The following MYOM3 variants were observed in gnomAD, a reference collection of about 807,000 sequenced individuals.
The protein encoded by MYOM3 is myomesin-3.
A neutral mutation model predicts 191.7 loss-of-function variants in MYOM3; 155 were observed. The ratio of observed to expected loss-of-function variants is 0.81; its 90% CI spans 0.71 to 0.92. The LOEUF is 0.92. Ranked by LOEUF, MYOM3 falls within the 40% of genes least tolerant of loss-of-function variation. The pLI is 0.00. For synonymous variants in MYOM3, 757 were observed against 762.9 expected, an observed-to-expected ratio of 0.99 and a Z score of 0.13; for missense variants, 1,889 against 1,890.6, an observed-to-expected ratio of 1.00 and a Z score of 0.02.
Position 24,064,292 on chromosome 1 carries a change from C to A in MYOM3, c.3535-133G>T, listed in dbSNP as rs1643409127. ...ACCTCAGGTAAGACCCTTCTCCTCC[C>A]TGGGCCTCCATTTACTCATCTGGGC... On this transcript the variant is annotated intron_variant, in intron 29 of 36. Transcript: ENST00000374434. The A allele has an allele frequency of 4.7e-6, 3 of 634,370 alleles. No individual in the cohort carries two copies. In the Admixed American group the frequency reaches 8.7e-5, roughly 18 times the overall value. 39.3% of individuals were successfully genotyped at this position (634,370 alleles called of 1,614,324 possible). A position where few individuals can be genotyped will look rare whatever the true frequency, so the allele number is the denominator to read the frequency against.
At chr1:24,061,223 C>T in intron 34 of MYOM3, 50 bp downstream of exon 34, 2 of 1,612,222 alleles carry the variant, frequency 1.2e-6, no homozygotes, top group Non-Finnish European at 1.7e-6. Context: ...GTTTATGCCA[C>T]ACCCTGAAGG....
chr1:24,076,589 T>C (rs12122305), intron 20 of MYOM3, among the ~76,000 whole-genome samples: 3 of 69,628 alleles, frequency 4.3e-5, no homozygotes, highest in Non-Finnish European at 6.1e-5. Flanking sequence ...TCTCGGCTCA[T>C]TGCAAGCTCC....
At position 24,071,151 on chromosome 1, in the gene MYOM3, A is replaced by T. The variant is rs745547251; in HGVS notation, c.3116T>A (p.Leu1039Gln). 1 of 1,614,156 alleles carries T rather than the reference A, an allele frequency of 6.2e-7. No individual in the cohort carries two copies. Among genetic ancestry groups the T allele is most frequent in the South Asian group, 1.1e-5 (1 of 91,076 alleles). Residue 1039 changes from leucine (L) to glutamine (Q), a missense_variant, in exon 25 of 37, where the codon CTA becomes CAA. Transcript: ENST00000374434. ...EKLSPAAELH[L>Q]IFNNKEIFSS... Reference sequence around the variant, plus strand: ...GAAGATCTCCTTGTTGTTGAAGATTAGATGTAGCTCAGCGGCTGGAGATAA... The same window carrying T: ...GAAGATCTCCTTGTTGTTGAAGATTTGATGTAGCTCAGCGGCTGGAGATAA...
At position 24,093,262 on chromosome 1, in the gene MYOM3, G is replaced by C. The variant is rs532084731; in HGVS notation, c.929-154C>G. On this transcript the variant is annotated intron_variant, in intron 9 of 36. Transcript: ENST00000374434. ...CTTGGGTGGGGGTGGTGGCCTCCAG[G>C]GCTTTGCCAAGGCAGGCAGTGGAGA... 2.0e-5 allele frequency among the ~76,000 whole-genome samples: 3 copies of C among 152,282 alleles called. No homozygotes were observed. The South Asian group carries it at 6.2e-4, about 32-fold the overall frequency.
At chr1:24,072,783 C>T (rs1354420170) in intron 23 of MYOM3, among the ~76,000 whole-genome samples, 1 of 152,204 alleles carries the variant, frequency 6.6e-6, no homozygotes, top group African/African-American at 2.4e-5. Flanking sequence ...GATCCGCCCG[C>T]CTCAGCCTCC....
chr1:24,078,012 G>A (rs1643622360), intron 20 of MYOM3, among the ~76,000 whole-genome samples: 1 of 152,160 alleles, frequency 6.6e-6, no homozygotes, highest in Non-Finnish European at 1.5e-5. Context: ...CACTTGTTGG[G>A]AAACATTTTA....
At chr1:24,061,836 C>T (rs771071294) in intron 33 of MYOM3, 110 bp downstream of exon 33, 1 of 1,212,876 alleles carries the variant, frequency 8.2e-7, no homozygotes, top group Non-Finnish European at 1.2e-6. Context: ...AAGCGATCCT[C>T]CCACTTCAGC....
rs1047017675 is a variant in MYOM3, at chr1:24,094,027, G to A, written c.928+826C>T. Among the ~76,000 whole-genome samples the A allele has an allele frequency of 2.2e-4, 34 of 152,052 alleles. 1 individual carries two copies. The highest frequency in any genetic ancestry group is 1.0e-4 in the Non-Finnish European group (7 of 68,004). On this transcript the variant is annotated intron_variant, in intron 9 of 36. Transcript: ENST00000374434. The stretch of plus-strand genomic sequence containing the variant: ...CATCCCCAGAGGCCTCCCAGCCCAC[G>A]GGTCAGCAACTGTATCTGCACCACC...
rs756430034 is a variant in MYOM3 at position 24,063,376 on chromosome 1, G to A, written c.3661+116C>T. ...TGTGAAGAGGCGGGATTTTCTCTTCGGTGTTTGAGGTTAGAAACTAAACCC... is the reference window on the plus strand; with the variant it reads ...TGTGAAGAGGCGGGATTTTCTCTTCAGTGTTTGAGGTTAGAAACTAAACCC... On this transcript the variant is annotated intron_variant, in intron 31 of 36. Transcript: ENST00000374434. The surrounding 1 kb of genome is among the most constrained non-coding windows in gnomAD (Gnocchi z 4.5). 1.8e-4 allele frequency: 255 copies of A among 1,418,772 alleles called. 1 individual carries two copies. Among genetic ancestry groups the A allele is most frequent in the African/African-American group, 3.4e-4 (24 of 70,838 alleles). The allele number at this position is 1,418,772 out of a possible 1,614,324, so 87.9% of individuals were successfully genotyped here.
At chr1:24,068,907 A>G (rs1184651954) in intron 25 of MYOM3, among the ~76,000 whole-genome samples, 2 of 152,022 alleles carry the variant, frequency 1.3e-5, no homozygotes, top group East Asian at 3.9e-4. Context: ...TATTTTTAGT[A>G]GAGACTGGGT....
intron 12 of MYOM3, among the ~76,000 whole-genome samples, 164 bp downstream of exon 12, chr1:24,090,633 G>C (rs1379451325): frequency 6.6e-6 from 1 of 152,134 alleles, no homozygotes; most frequent in Non-Finnish European, 1.5e-5. Context: ...GTTCTCGAGG[G>C]CTGGCCTTTG....
At position 24,080,202 on chromosome 1, in the gene MYOM3, A is replaced by C. The variant is rs750713312; in HGVS notation, c.2408-8T>G. 1 of 1,604,832 alleles carries C rather than the reference A, an allele frequency of 6.2e-7. No individual in the cohort carries two copies. Among genetic ancestry groups the C allele is most frequent in the Admixed American group, 1.7e-5 (1 of 58,910 alleles). On this transcript the variant is annotated splice_region_variant and splice_polypyrimidine_tract_variant and intron_variant, in intron 19 of 36. Coordinates refer to ENST00000374434, the MANE Select transcript of MYOM3 (RefSeq NM_152372.4). ...GTACATCGTACGGGGGGCCTGTGAC[A>C]AGTGAGAGATGGGAAGAGATGTGTG...
At position 24,082,181 on chromosome 1, in the gene MYOM3, C is replaced by T. The variant is rs144490337; in HGVS notation, c.2100G>A (p.Pro700=). Reference sequence around the variant, plus strand: ...GGAGGGCAAAGCCATATGGGGCAGACGGGGTAGCTACAGGGAGGTAAGGAG... The same window carrying T: ...GGAGGGCAAAGCCATATGGGGCAGATGGGGTAGCTACAGGGAGGTAAGGAG... ...PIRVKQALAT[P]SAPYGFALLN... The change falls in exon 18 of 37, where the codon CCG becomes CCA. Residue 700 remains proline (P), a synonymous_variant. Coordinates refer to ENST00000374434, the MANE Select transcript of MYOM3 (RefSeq NM_152372.4). 820 of 1,607,904 alleles carry T rather than the reference C, an allele frequency of 5.1e-4. 3 individuals are homozygous for T. In the African/African-American group the frequency reaches 8.1e-3, roughly 16 times the overall value.
At chr1:24,072,633 C>T (rs943044172) in intron 23 of MYOM3, among the ~76,000 whole-genome samples, 1 of 152,150 alleles carries the variant, frequency 6.6e-6, no homozygotes, top group Non-Finnish European at 1.5e-5. Context: ...CTCCAGGGTT[C>T]AAGCAATTCT....
chr1:24,061,242 A>G (rs770233156), intron 34 of MYOM3, 31 bp downstream of exon 34: 2 of 1,613,732 alleles, frequency 1.2e-6, no homozygotes, highest in South Asian at 1.1e-5. Flanking sequence ...GGGGCCTATA[A>G]TTCACACTGA....
At position 24,064,083 on chromosome 1, in the gene MYOM3, A is replaced by T. The variant is rs920192352; in HGVS notation, c.3611T>A (p.Leu1204His). The change falls in exon 30 of 37, where the codon CTC becomes CAC. Residue 1204 changes from leucine (L) to histidine (H), a missense_variant. By Grantham distance (99) the Leu-to-His change is moderately conservative (BLOSUM62 -3). Coordinates refer to ENST00000374434, the MANE Select transcript of MYOM3 (RefSeq NM_152372.4). ...DRGEDDTILD[L>H]TGDALDAIFT... is the part of the protein sequence containing the mutation. ...TCGCCAGCTCCTACCGTCACCCGTG[A>T]GGTCCAATATGGTGTCGTCCTCCCC... The T allele has an allele frequency of 8.7e-6, 14 of 1,613,702 alleles. No individual in the cohort carries two copies. The African/African-American group carries it at 1.6e-4, about 18-fold the overall frequency.
intron 9 of MYOM3, among the ~76,000 whole-genome samples, chr1:24,093,603 T>G (rs1199662981): frequency 6.6e-6 from 1 of 151,468 alleles, no homozygotes; most frequent in Non-Finnish European, 1.5e-5. Flanking sequence ...GGATGGGAGC[T>G]TAGGAGGTGG....
At position 24,105,596 on chromosome 1, in the gene MYOM3, G is replaced by A. The variant is rs374036946; in HGVS notation, c.560+324C>T. On this transcript the variant is annotated intron_variant, in intron 5 of 36. Transcript: ENST00000374434. ...CCCAGGCTGGCTGCGGGGCAGCTAAGAATAACCCAGGCCTAAGCTGGGCGT... is the reference window on the plus strand; with the variant it reads ...CCCAGGCTGGCTGCGGGGCAGCTAAAAATAACCCAGGCCTAAGCTGGGCGT... Among the ~76,000 whole-genome samples the A allele has an allele frequency of 2.8e-4, 42 of 152,342 alleles. No individual in the cohort carries two copies. In the South Asian group the frequency reaches 6.8e-3, roughly 25 times the overall value.
At position 24,064,026 on chromosome 1, in the gene MYOM3, T is replaced by C. The variant is rs1252744182; in HGVS notation, c.3622+46A>G. 3 of 1,367,818 alleles carry C rather than the reference T, an allele frequency of 2.2e-6. No individual in the cohort carries two copies. The South Asian group carries it at 3.6e-5, about 16-fold the overall frequency. 84.7% of individuals were successfully genotyped at this position (1,367,818 alleles called of 1,614,324 possible). A position where few individuals can be genotyped will look rare whatever the true frequency, so the allele number is the denominator to read the frequency against. Reference sequence around the variant, plus strand: ...CTGCACAGATCACATCACAGTCTGCTCCACTGTGCTCCCTCCACAGCCCCT... The same window carrying C: ...CTGCACAGATCACATCACAGTCTGCCCCACTGTGCTCCCTCCACAGCCCCT... On this transcript the variant is annotated intron_variant, in intron 30 of 36. Transcript: ENST00000374434.
Sources: gnomAD v4.1 joint callset for allele counts (sites outside exome capture counted in the v4.1 genomes callset) on GRCh38, gnomAD v4.1.1 for gene constraint, Gnocchi (gnomAD v3.1) non-coding constraint, MANE v1.5 for transcripts, NCBI Gene and HGNC (gene_info 2026-07-23, HGNC 2026-07-21) for gene names.